Variants in UGT1A6 observed in about 807,000 individuals in gnomAD.
The protein encoded by UGT1A6 is UDP glucuronosyltransferase family 1 member A6.
In UGT1A6, 32 loss-of-function variants were observed where a neutral mutation model predicts 44.4. The ratio of observed to expected loss-of-function variants is 0.72; its 90% CI spans 0.54 to 0.97. The LOEUF (loss-of-function observed/expected upper bound fraction) is 0.97. Among genes scored for constraint, UGT1A6 ranks in the 50% least tolerant of loss-of-function variants. The pLI, the probability that UGT1A6 is intolerant of heterozygous loss-of-function variation, is 0.00. For missense variants in UGT1A6, 685 were observed against 661.9 expected (o/e 1.03, Z -0.38); for synonymous variants, 238 against 248.5 (o/e 0.96, Z 0.40).
chr2:233,718,869 C>T (rs1369983099), intron 1 of UGT1A6: 2 of 1,613,908 alleles, frequency 1.2e-6, no homozygotes, highest in Non-Finnish European at 1.7e-6. Flanking sequence ...CACAGGACTG[C>T]TGCTCCTCCT....
At chr2:233,698,366 A>T (rs757366635) in intron 1 of UGT1A6, among the ~76,000 whole-genome samples, 3 of 152,230 alleles carry the variant, frequency 2.0e-5, no homozygotes, top group Non-Finnish European at 2.9e-5. Context: ...GCTGAATGCC[A>T]TGAAATTGTT....
intron 1 of UGT1A6, among the ~76,000 whole-genome samples, chr2:233,733,397 G>C (rs1438211185): frequency 1.3e-5 from 2 of 152,194 alleles, no homozygotes; most frequent in Non-Finnish European, 2.9e-5. Flanking sequence ...AGTTTTCAAA[G>C]GGAATGCTTC....
chr2:233,719,181 T>C (rs2076734729), intron 1 of UGT1A6: 4 of 1,614,240 alleles, frequency 2.5e-6, no homozygotes, highest in Non-Finnish European at 3.4e-6. Flanking sequence ...GAACAATGTA[T>C]CTTTGGCCCT....
chr2:233,727,363 C>T (rs2077609679), intron 1 of UGT1A6, among the ~76,000 whole-genome samples: 1 of 152,076 alleles, frequency 6.6e-6, no homozygotes, highest in Non-Finnish European at 1.5e-5. Flanking sequence ...TCCTTAGGGC[C>T]CCTAGGTCTC....
intron 1 of UGT1A6, chr2:233,760,769 C>A: frequency 3.7e-6 from 6 of 1,614,028 alleles, no homozygotes; most frequent in Non-Finnish European, 5.1e-6. Flanking sequence ...CCCATCGTGG[C>A]CCAGTACCTG....
intron 1 of UGT1A6, among the ~76,000 whole-genome samples, chr2:233,745,792 G>A (rs1203318312): frequency 6.6e-6 from 1 of 151,102 alleles, no homozygotes; most frequent in Non-Finnish European, 1.5e-5. Context: ...AGGGGGGCTG[G>A]GGTCTATCCC....
chr2:233,721,747 T>C, intron 1 of UGT1A6: 1 of 445,298 alleles, frequency 2.2e-6, no homozygotes, highest in South Asian at 1.7e-5. Context: ...GATGAGAGAA[T>C]CTACATCTAA....
chr2:233,748,016 G>A (rs1039251990), intron 1 of UGT1A6: 59 of 1,613,480 alleles, frequency 3.7e-5, no homozygotes, highest in Middle Eastern at 1.7e-4. Flanking sequence ...ACCCCAGGCC[G>A]ATCATGCCCA....
intron 1 of UGT1A6, among the ~76,000 whole-genome samples, chr2:233,736,673 G>T (rs780660249): frequency 2.0e-4 from 30 of 152,198 alleles, no homozygotes; most frequent in Non-Finnish European, 3.5e-4. Context: ...TTAGGTCTTT[G>T]ATGTTGGTGA....
chr2:233,734,229 A>T (rs907561316), intron 1 of UGT1A6, among the ~76,000 whole-genome samples: 6 of 152,114 alleles, frequency 3.9e-5, no homozygotes, highest in African/African-American at 1.2e-4. Context: ...TCAGAGATTC[A>T]ACTTCTTCCT....
intron 1 of UGT1A6, among the ~76,000 whole-genome samples, chr2:233,716,096 A>G (rs1349489999): frequency 6.6e-6 from 1 of 152,160 alleles, no homozygotes; most frequent in African/African-American, 2.4e-5. Context: ...CATTCCTTTA[A>G]CAGAAATTTA....
At chr2:233,712,262 T>G (rs1270284843) in intron 1 of UGT1A6, among the ~76,000 whole-genome samples, 1 of 152,236 alleles carries the variant, frequency 6.6e-6, no homozygotes, top group African/African-American at 2.4e-5. Context: ...TGCACATGTG[T>G]GCTTTAGACA....
intron 1 of UGT1A6, chr2:233,747,578 G>A: frequency 6.3e-7 from 1 of 1,584,344 alleles, no homozygotes; most frequent in Non-Finnish European, 8.7e-7. Flanking sequence ...ATTCATCTTT[G>A]GTCTTTCATA....
At chr2:233,710,364 A>G (rs1054910663) in intron 1 of UGT1A6, among the ~76,000 whole-genome samples, 1 of 152,224 alleles carries the variant, frequency 6.6e-6, no homozygotes, top group Non-Finnish European at 1.5e-5. Context: ...CAGTTATACA[A>G]TTTTACATTC....
rs559155778 is a variant in UGT1A6 at position 233,769,190 on chromosome 2, G to A, written c.1301+751G>A. Among the ~76,000 whole-genome samples, 1 of 152,304 alleles carries A rather than the reference G, an allele frequency of 6.6e-6. No homozygotes were observed. The highest frequency in any genetic ancestry group is 2.4e-5 in the African/African-American group (1 of 41,564). ...GTCCATGGAGTTTATGAATGAAGGA[G>A]CTATAAGATATCACAGACAAAGTCT... On this transcript the variant is annotated intron_variant, in intron 4 of 4. Transcript: ENST00000305139. The surrounding 1 kb of genome is among the most constrained non-coding windows in gnomAD (Gnocchi z 4.4).
At chr2:233,755,143 C>T (rs1695780518) in intron 1 of UGT1A6, 3 of 1,305,190 alleles carry the variant, frequency 2.3e-6, no homozygotes, top group Non-Finnish European at 3.1e-6. Context: ...AATCTTCTCA[C>T]CGCTTCCTCC....
chr2:233,746,804 G>A (rs960699713), intron 1 of UGT1A6, among the ~76,000 whole-genome samples: 7 of 151,820 alleles, frequency 4.6e-5, no homozygotes, highest in African/African-American at 1.7e-4. Flanking sequence ...GAGCGTGAAT[G>A]TGGATTGCCT....
chr2:233,743,205 G>A (rs1013981609), intron 1 of UGT1A6: 19 of 391,306 alleles, frequency 4.9e-5, no homozygotes, highest in South Asian at 9.4e-5. Flanking sequence ...GTGTCAATGC[G>A]GAGTAACTGC....
At chr2:233,760,859 C>T in intron 1 of UGT1A6, 1 of 1,614,112 alleles carries the variant, frequency 6.2e-7, no homozygotes, top group Non-Finnish European at 8.5e-7. Context: ...AACCCATTCT[C>T]CTACGTGCCC....
Sources: gnomAD v4.1 joint callset for allele counts (sites outside exome capture counted in the v4.1 genomes callset) on GRCh38, gnomAD v4.1.1 for gene constraint, Gnocchi (gnomAD v3.1) non-coding constraint, MANE v1.5 for transcripts, NCBI Gene and HGNC (gene_info 2026-07-23, HGNC 2026-07-21) for gene names.